CDH23: variants seen among roughly 807,000 people sequenced by gnomAD.
CDH23 encodes the protein cadherin related 23.
CDH23 carries 189 observed loss-of-function variants against 317.1 expected under a neutral mutation model. The observed-to-expected ratio is 0.60, with a 90% CI of 0.53 to 0.67. The LOEUF (loss-of-function observed/expected upper bound fraction) is 0.67. Ranked by LOEUF, CDH23 falls within the 30% of genes least tolerant of loss-of-function variation. CDH23 has a pLI of 0.00. For synonymous variants in CDH23, 1,839 were observed against 1,876.8 expected (o/e 0.98, Z 0.52); for missense variants, 4,401 against 4,592.4 (o/e 0.96, Z 1.20).
chr10:71,805,119 G>A (rs1841671012), intron 55 of CDH23, among the ~76,000 whole-genome samples: 1 of 152,188 alleles, frequency 6.6e-6, no homozygotes, highest in South Asian at 2.1e-4. Context: ...TAAAAGCAAA[G>A]AAACGTGCCC....
intron 9 of CDH23, among the ~76,000 whole-genome samples, chr10:71,604,407 C>T (rs899216009): frequency 2.0e-5 from 3 of 152,230 alleles, no homozygotes; most frequent in African/African-American, 4.8e-5. Context: ...TCGTCTGCCA[C>T]GCAGCGGGCC....
chr10:71,413,799 G>A (rs1229655171), intron 1 of CDH23, among the ~76,000 whole-genome samples: 2 of 152,116 alleles, frequency 1.3e-5, no homozygotes, highest in East Asian at 3.9e-4. Flanking sequence ...TTCCCAAGCA[G>A]CTGAGACTAC....
At chr10:71,533,568 CACT>C (rs1564637165) in intron 6 of CDH23, among the ~76,000 whole-genome samples, 2,103 of 117,714 alleles carry the variant, frequency 0.018, 23 homozygotes, top group Middle Eastern at 0.041. Flanking sequence ...CACACACACA[CACT>C]GGCTGGGGCT....
At position 71,811,716 on chromosome 10, in the gene CDH23, C is replaced by T; in HGVS notation, c.9282C>T (p.His3094=). 1 of 1,605,218 alleles carries T rather than the reference C, an allele frequency of 6.2e-7. No individual in the cohort carries two copies. The highest frequency in any genetic ancestry group is 8.5e-7 in the Non-Finnish European group (1 of 1,175,782). The change falls in exon 65 of 70, where the codon CAC becomes CAT. Residue 3094 remains histidine, a synonymous_variant. Coordinates refer to ENST00000224721, the MANE Select transcript of CDH23 (RefSeq NM_022124.6). ...VLMNWYYRTV[H]KRKLKAIVAG... ...GCCCCTCTCTGCTTCTCTCCAGACACAAGAGGAAGCTCAAGGCCATTGTGG... is the reference window on the plus strand; with the variant it reads ...GCCCCTCTCTGCTTCTCTCCAGACATAAGAGGAAGCTCAAGGCCATTGTGG...
intron 9 of CDH23, among the ~76,000 whole-genome samples, chr10:71,600,514 C>CTTTTT (rs538778849): frequency 2.4e-5 from 3 of 125,206 alleles, no homozygotes; most frequent in African/African-American, 3.1e-5. Flanking sequence ...GACCGCAGAA[C>CTTTTT]TTTTTTTTTT....
At chr10:71,793,068 C>T (rs1841305898) in intron 47 of CDH23, 114 bp from the exon 48 acceptor site, 1 of 694,630 alleles carries the variant, frequency 1.4e-6, no homozygotes, top group South Asian at 2.4e-5. Flanking sequence ...AAAGAAAATG[C>T]TGTCAAGGCT....
At chr10:71,792,019 A>T (rs1424076986) in intron 47 of CDH23, among the ~76,000 whole-genome samples, 1 of 152,216 alleles carries the variant, frequency 6.6e-6, no homozygotes, top group Non-Finnish European at 1.5e-5. Flanking sequence ...CATAAGTATA[A>T]TAAGCCAGAT....
chr10:71,575,315 C>G (rs558127578), intron 8 of CDH23, among the ~76,000 whole-genome samples: 5 of 152,248 alleles, frequency 3.3e-5, no homozygotes, highest in East Asian at 3.9e-4. Flanking sequence ...GTAACAATCA[C>G]GTTTATAGCA....
At chr10:71,555,398 G>A (rs1287451684) in intron 6 of CDH23, among the ~76,000 whole-genome samples, 1 of 152,176 alleles carries the variant, frequency 6.6e-6, no homozygotes, top group Non-Finnish European at 1.5e-5. Context: ...TCTTTATAAC[G>A]TGAAATTATT....
rs778673777 is a variant in CDH23 at position 71,791,256 on chromosome 10, C to T, written c.6174C>T (p.Thr2058=). ...ACAGCACGGCCCACCTGCTCATCAC[C>T]ATCCTGGATGACAATGACAACCGGC... ...LLNSTAHLLI[T]ILDDNDNRPT... Residue 2058 remains threonine, a synonymous_variant, in exon 47 of 70, where the codon ACC becomes ACT. Transcript: ENST00000224721. 15 of 1,613,982 alleles carry T rather than the reference C, an allele frequency of 9.3e-6. No homozygotes were observed. The highest frequency in any genetic ancestry group is 5.9e-6 in the Non-Finnish European group (7 of 1,179,884).
At chr10:71,678,565 A>G (rs555628457) in intron 16 of CDH23, among the ~76,000 whole-genome samples, 32 of 152,328 alleles carry the variant, frequency 2.1e-4, no homozygotes, top group African/African-American at 7.5e-4. Context: ...GGGTGAGCAC[A>G]GGGGATACCA....
chr10:71,666,914 A>T lies in CDH23; in HGVS notation c.1450-8198A>T, dbSNP rs553765233. Among the ~76,000 whole-genome samples, 15 of 152,374 alleles carry T rather than the reference A, an allele frequency of 9.8e-5. No homozygotes were observed. The East Asian group carries it at 2.9e-3, about 29-fold the overall frequency. On this transcript the variant is annotated intron_variant, in intron 14 of 69. Transcript: ENST00000224721. Reference sequence around the variant, plus strand: ...TGAATGAGGAAAGCATTACCAGCGAAGCACCGGGGCTCCACAGAGCTGTTT... The same window carrying T: ...TGAATGAGGAAAGCATTACCAGCGATGCACCGGGGCTCCACAGAGCTGTTT...
intron 26 of CDH23, chr10:71,707,337 C>A: frequency 1.4e-6 from 2 of 1,411,990 alleles, no homozygotes; most frequent in South Asian, 1.6e-5. Context: ...AGGTAAGGCC[C>A]CATGATTCCT....
intron 3 of CDH23, 148 bp downstream of exon 3, chr10:71,446,543 T>G (rs901468434): frequency 5.4e-6 from 4 of 742,698 alleles, no homozygotes; most frequent in Non-Finnish European, 9.1e-6. Flanking sequence ...CTAGGATGCC[T>G]CCAGGGACAG....
intron 38 of CDH23, among the ~76,000 whole-genome samples, chr10:71,743,418 G>A (rs1185125860): frequency 6.6e-6 from 1 of 152,120 alleles, no homozygotes; most frequent in African/African-American, 2.4e-5. Flanking sequence ...GGAGATGTTG[G>A]TCCAATAACT....
intron 3 of CDH23, among the ~76,000 whole-genome samples, chr10:71,491,582 C>T (rs116221963): frequency 0.011 from 1,615 of 152,310 alleles, 21 homozygotes; most frequent in African/African-American, 0.032. Flanking sequence ...AGAGGCCATA[C>T]TCTACGCCCT....
rs778344637 is a variant in CDH23, at chr10:71,707,012, C to T, written c.3069C>T (p.Asp1023=). Residue 1023 remains aspartate (D), a synonymous_variant, in exon 26 of 70, where the codon GAC becomes GAT. Coordinates refer to ENST00000224721, the MANE Select transcript of CDH23 (RefSeq NM_022124.6). ...RVVWLNCTDN[D]VGLNAELSYF... is the part of the protein sequence containing the mutation. ...TCTGGCTGAACTGCACGGACAACGA[C>T]GTGGGCCTCAATGCAGAGCTCAGCT... is the stretch of plus-strand genomic sequence containing the variant. 1.4e-5 allele frequency: 22 copies of T among 1,607,580 alleles called. No individual in the cohort carries two copies. The highest frequency in any genetic ancestry group is 1.3e-4 in the South Asian group (12 of 89,642).
chr10:71,687,538 T>C, intron 18 of CDH23, 109 bp from the exon 19 acceptor site: 3 of 948,522 alleles, frequency 3.2e-6, no homozygotes, highest in African/African-American at 1.6e-5. Flanking sequence ...AGGCCAAAGC[T>C]CTTTAGGGCC....
chr10:71,690,456 T>C lies in CDH23; in HGVS notation c.2060-12T>C, dbSNP rs1182753065. ...AGCAGCACCCCCTGCCCCCACCTTTTTCCCCCTGAAGGAGCCACGGTGCTG... is the reference window on the plus strand; with the variant it reads ...AGCAGCACCCCCTGCCCCCACCTTTCTCCCCCTGAAGGAGCCACGGTGCTG... On this transcript the variant is annotated splice_polypyrimidine_tract_variant and intron_variant, in intron 19 of 69. Transcript: ENST00000224721. 1.3e-6 allele frequency: 2 copies of C among 1,579,516 alleles called. No homozygotes were observed. Among genetic ancestry groups the C allele is most frequent in the Non-Finnish European group, 1.7e-6 (2 of 1,160,988 alleles).
Sources: gnomAD v4.1 joint callset for allele counts (sites outside exome capture counted in the v4.1 genomes callset) on GRCh38, gnomAD v4.1.1 for gene constraint, MANE v1.5 for transcripts, NCBI Gene and HGNC (gene_info 2026-07-23, HGNC 2026-07-21) for gene names.